GUCY2C: variants seen among roughly 807,000 people sequenced by gnomAD.
GUCY2C encodes guanylyl cyclase C.
GUCY2C carries 118 observed loss-of-function variants against 131.1 expected under a neutral mutation model. The ratio of observed to expected loss-of-function variants is 0.90; its 90% confidence interval spans 0.78 to 1.05. GUCY2C has a LOEUF of 1.05. Among genes scored for constraint, GUCY2C ranks in the 50% least tolerant of loss-of-function variants. The pLI, the probability that GUCY2C is intolerant of heterozygous loss-of-function variation, is 0.00. For synonymous variants in GUCY2C, 452 were observed against 457.8 expected (o/e 0.99, Z 0.16); for missense variants, 1,161 against 1,304.4 (o/e 0.89, Z 1.69).
chr12:14,650,810 A>G (rs1295627015), intron 15 of GUCY2C, among the ~76,000 whole-genome samples: 1 of 152,242 alleles, frequency 6.6e-6, no homozygotes, highest in Non-Finnish European at 1.5e-5. Context: ...TGTTAGAATA[A>G]CAAGCATGAA....
In GUCY2C at chr12:14,625,715, C is replaced by T. The variant is rs925581887; in HGVS notation, c.2408+42G>A. The T allele has an allele frequency of 2.5e-6, 4 of 1,597,810 alleles. No individual in the cohort carries two copies. In the South Asian group the frequency reaches 3.3e-5, roughly 13 times the overall value. ...TATATAGATACAATGAAAAGCAATG[C>T]TAGAGGGATTTCAGCCTCCACATCA... On this transcript the variant is annotated intron_variant, in intron 21 of 26. Coordinates refer to ENST00000261170, the MANE Select transcript of GUCY2C (RefSeq NM_004963.4).
At chr12:14,671,908 A>G (rs1430256073) in intron 9 of GUCY2C, among the ~76,000 whole-genome samples, 1 of 152,230 alleles carries the variant, frequency 6.6e-6, no homozygotes, top group Non-Finnish European at 1.5e-5. Context: ...GTATCTAGAA[A>G]CTACGAATTA....
chr12:14,677,006 A>G, intron 6 of GUCY2C, 35 bp from the exon 7 acceptor site: 1 of 706,618 alleles, frequency 1.4e-6, no homozygotes, highest in Non-Finnish European at 2.3e-6. Flanking sequence ...CATGAAAATT[A>G]GGAAAAATAG....
In GUCY2C at chr12:14,683,240, C is replaced by A. The variant is rs1948386955; in HGVS notation, c.413G>T (p.Ser138Ile). Residue 138 changes from serine (S) to isoleucine (I), a missense_variant, in exon 4 of 27, where the codon AGC becomes ATC. Physicochemically the swap from Ser to Ile is moderately radical, Grantham distance 142. Coordinates refer to ENST00000261170, the MANE Select transcript of GUCY2C (RefSeq NM_004963.4). ...TFQMYLDTEL[S>I]YPMISAGSFG... ...ACTTCCAGCTGAGATCATGGGGTAGCTCAATTCTGTGTCAAGGCTATGTCA... is the reference window on the plus strand; with the variant it reads ...ACTTCCAGCTGAGATCATGGGGTAGATCAATTCTGTGTCAAGGCTATGTCA... 1.9e-6 allele frequency: 3 copies of A among 1,612,494 alleles called. No individual in the cohort carries two copies. Among genetic ancestry groups the A allele is most frequent in the Non-Finnish European group, 2.5e-6 (3 of 1,178,694 alleles).
At chr12:14,685,064 T>C (rs1233367018) in intron 3 of GUCY2C, among the ~76,000 whole-genome samples, 1 of 152,168 alleles carries the variant, frequency 6.6e-6, no homozygotes, top group Non-Finnish European at 1.5e-5. Context: ...ACCTTCTCTA[T>C]TTGGGTGGAC....
At position 14,676,965 on chromosome 12, in the gene GUCY2C, C is replaced by A; in HGVS notation, c.837G>T (p.Gln279His). The change falls in exon 7 of 27, where the codon CAG becomes CAT. Residue 279 changes from glutamine (Q) to histidine (H), a missense_variant. Transcript: ENST00000261170. The part of the protein sequence containing the change: ...VIILVDLFND[Q>H]YFEDNVTAPD... ...GGGCTGTGACATTGTCCTCAAAGTACTGGTCACTGTAATAAAAAGCACAGG... is the reference window on the plus strand; with the variant it reads ...GGGCTGTGACATTGTCCTCAAAGTAATGGTCACTGTAATAAAAAGCACAGG... 2 of 1,288,972 alleles carry A rather than the reference C, an allele frequency of 1.6e-6. No individual in the cohort carries two copies. Among genetic ancestry groups the A allele is most frequent in the Non-Finnish European group, 2.2e-6 (2 of 912,606 alleles). The allele number at this position is 1,288,972 out of a possible 1,614,324, so 79.8% of individuals were successfully genotyped here.
intron 24 of GUCY2C, among the ~76,000 whole-genome samples, chr12:14,618,000 C>T (rs1284509454): frequency 1.3e-5 from 2 of 152,142 alleles, no homozygotes; most frequent in Non-Finnish European, 2.9e-5. Context: ...TGTCAGTACA[C>T]TACCAAAATA....
intron 10 of GUCY2C, among the ~76,000 whole-genome samples, chr12:14,662,863 A>G (rs1490614720): frequency 6.6e-6 from 1 of 152,066 alleles, no homozygotes; most frequent in East Asian, 1.9e-4. Flanking sequence ...AATATAGGAG[A>G]ATTTTGGAGA....
intron 16 of GUCY2C, among the ~76,000 whole-genome samples, chr12:14,644,116 C>T (rs1947463217): frequency 6.6e-6 from 1 of 152,232 alleles, no homozygotes; most frequent in South Asian, 2.1e-4. Flanking sequence ...GGGCAGGGTG[C>T]CAGGCTAGAT....
Position 14,683,158 on chromosome 12 carries a change from T to G in GUCY2C, c.495A>C (p.Arg165Ser). Reference protein sequence around the residue: ...ETLTRLMSPARKLMYFLVNFW... With the variant: ...ETLTRLMSPASKLMYFLVNFW... ...AGTTAACCAAGAAGTACATCAACTTTCTAGCTGGAGACATCAGCCTGGTTA... is the reference window on the plus strand; with the variant it reads ...AGTTAACCAAGAAGTACATCAACTTGCTAGCTGGAGACATCAGCCTGGTTA... The change falls in exon 4 of 27, where the codon AGA becomes AGC. Residue 165 changes from arginine (R) to serine (S), a missense_variant. Coordinates refer to ENST00000261170, the MANE Select transcript of GUCY2C (RefSeq NM_004963.4). The G allele has an allele frequency of 6.2e-7, 1 of 1,613,430 alleles. No individual in the cohort carries two copies. The highest frequency in any genetic ancestry group is 8.5e-7 in the Non-Finnish European group (1 of 1,179,414).
chr12:14,677,357 C>T (rs1948256477), intron 6 of GUCY2C, among the ~76,000 whole-genome samples: 1 of 152,074 alleles, frequency 6.6e-6, no homozygotes, highest in African/African-American at 2.4e-5. Flanking sequence ...GAAATTTTAT[C>T]ACTAAACTTA....
At chr12:14,632,792 T>C (rs1040168570) in intron 19 of GUCY2C, among the ~76,000 whole-genome samples, 6 of 152,080 alleles carry the variant, frequency 3.9e-5, no homozygotes, top group East Asian at 1.9e-4. Context: ...CAGCCTACCG[T>C]GTAGGGGCCC....
intron 16 of GUCY2C, 95 bp downstream of exon 16, chr12:14,645,134 A>C: frequency 1.4e-6 from 1 of 697,498 alleles, no homozygotes; most frequent in Non-Finnish European, 2.5e-6. Flanking sequence ...ATCATTTTAC[A>C]GATGAAGAAA....
At chr12:14,648,478 C>A (rs989233500) in intron 15 of GUCY2C, among the ~76,000 whole-genome samples, 4 of 152,122 alleles carry the variant, frequency 2.6e-5, no homozygotes, top group Admixed American at 6.6e-5. Flanking sequence ...CAACCTCACA[C>A]ACAAAAAGTA....
rs75604726 is a variant in GUCY2C at position 14,627,941 on chromosome 12, T to C, written c.2249+705A>G. 4.8e-3 allele frequency among the ~76,000 whole-genome samples: 726 copies of C among 152,274 alleles called. 7 individuals are homozygous for C. Among genetic ancestry groups the C allele is most frequent in the African/African-American group, 0.017 (689 of 41,546 alleles). The stretch of plus-strand genomic sequence containing the variant: ...CTGAGTCTTTTGACCTAATGAGAAC[T>C]ACAGAAAGACCTGGAAAAAATCATA... On this transcript the variant is annotated intron_variant, in intron 20 of 26. Coordinates refer to ENST00000261170, the MANE Select transcript of GUCY2C (RefSeq NM_004963.4).
At chr12:14,614,085 G>A (rs966380733) in intron 26 of GUCY2C, among the ~76,000 whole-genome samples, 2 of 152,152 alleles carry the variant, frequency 1.3e-5, no homozygotes, top group Non-Finnish European at 2.9e-5. Context: ...GGAGTGGAAT[G>A]CAGAGAGCCT....
At chr12:14,694,016 T>C (rs936776501) in intron 1 of GUCY2C, among the ~76,000 whole-genome samples, 4 of 152,228 alleles carry the variant, frequency 2.6e-5, no homozygotes, top group Non-Finnish European at 5.9e-5. Flanking sequence ...CTACCATTTA[T>C]TGAGTTCTTA....
intron 19 of GUCY2C, among the ~76,000 whole-genome samples, chr12:14,634,782 A>G (rs374078119): frequency 3.8e-4 from 58 of 152,240 alleles, no homozygotes; most frequent in African/African-American, 1.4e-3. Context: ...TTCCATGCAA[A>G]TGAAAACCAA....
chr12:14,625,983 T>G, intron 20 of GUCY2C, 68 bp from the exon 21 acceptor site: 1 of 882,814 alleles, frequency 1.1e-6, no homozygotes, highest in Non-Finnish European at 1.8e-6. Context: ...AATAAAACAA[T>G]GGACAAATAT....
Sources: allele counts gnomAD v4.1 joint callset (sites outside exome capture counted in the v4.1 genomes callset), GRCh38; gene constraint gnomAD v4.1.1; transcripts MANE v1.5; gene names NCBI Gene and HGNC (gene_info 2026-07-23, HGNC 2026-07-21).